The following PKD2 variants were observed in gnomAD, a reference collection of about 807,000 sequenced individuals.
PKD2 encodes polycystin-2.
Under a neutral mutation model 105.9 loss-of-function variants are expected in PKD2, and 48 were observed. The observed-to-expected ratio is 0.45, with a 90% CI of 0.36 to 0.58. The LOEUF (loss-of-function observed/expected upper bound fraction) is 0.58, where lower values mean the gene tolerates loss of function less well. PKD2 is among the 20% of genes least tolerant of loss of function. PKD2 has a pLI of 0.00. For missense variants in PKD2, 1,078 were observed against 1,255.3 expected, an observed-to-expected ratio of 0.86 and a Z score of 2.13; for synonymous variants, 464 against 481.1, an observed-to-expected ratio of 0.96 and a Z score of 0.46.
At chr4:88,056,052 C>T in intron 7 of PKD2, 34 bp from the exon 8 acceptor site, 1 of 1,317,014 alleles carries the variant, frequency 7.6e-7, no homozygotes, top group Non-Finnish European at 1.1e-6. Context: ...TTTTGTTTAT[C>T]CATTCATCTA....
chr4:88,042,094 A>G (rs539800729), intron 4 of PKD2, among the ~76,000 whole-genome samples: 4 of 152,328 alleles, frequency 2.6e-5, no homozygotes, highest in South Asian at 2.1e-4. Flanking sequence ...CTCTTGACCA[A>G]TGGCTCACGG....
intron 6 of PKD2, among the ~76,000 whole-genome samples, chr4:88,047,805 C>T (rs1310256162): frequency 6.6e-6 from 1 of 152,004 alleles, no homozygotes; most frequent in Non-Finnish European, 1.5e-5. Context: ...TGATACCAGC[C>T]TGGGCAACAT....
rs75762896 is a variant in PKD2 at position 88,046,767 on chromosome 4, T to G, written c.1445T>G (p.Phe482Cys). Residue 482 changes from phenylalanine to cysteine, a missense_variant, in exon 6 of 15, where the codon TTC becomes TGC. Coordinates refer to ENST00000237596, the MANE Select transcript of PKD2 (RefSeq NM_000297.4). ...GCAGCCTGTGAGATTATCTTTTGTT[T>G]CTTTATCTTTTACTATGTGGTGGAA... ...FLAACEIIFCFFIFYYVVEEI... is the reference protein window; with the variant it reads ...FLAACEIIFCCFIFYYVVEEI... The G allele has an allele frequency of 2.2e-3, 3,506 of 1,611,890 alleles. 13 individuals carry two copies. The Middle Eastern group carries it at 0.03, about 14-fold the overall frequency.
chr4:88,068,630 G>T (rs1230385716), intron 13 of PKD2, among the ~76,000 whole-genome samples: 1 of 152,148 alleles, frequency 6.6e-6, no homozygotes, highest in African/African-American at 2.4e-5. Flanking sequence ...ATTTGCATGT[G>T]TTTATCAATG....
intron 6 of PKD2, 55 bp from the exon 7 acceptor site, chr4:88,051,936 G>T: frequency 1.0e-6 from 1 of 971,548 alleles, no homozygotes; most frequent in Admixed American, 1.9e-5. Context: ...TCATATTAAG[G>T]TAAGTTTCAT....
chr4:88,017,513 G>T (rs185839785), intron 1 of PKD2, among the ~76,000 whole-genome samples: 1 of 152,112 alleles, frequency 6.6e-6, no homozygotes, highest in African/African-American at 2.4e-5. Flanking sequence ...GGGTTCAACC[G>T]ATTCTTCTGC....
intron 13 of PKD2, among the ~76,000 whole-genome samples, chr4:88,073,002 G>A (rs938885226): frequency 2.8e-5 from 4 of 141,126 alleles, no homozygotes; most frequent in Admixed American, 1.5e-4. Flanking sequence ...ACCATTGCAC[G>A]CCAGCCTGGG....
Position 88,056,137 on chromosome 4 carries a change from A to G in PKD2, c.1768A>G (p.Met590Val), listed in dbSNP as rs745977122. The change falls in exon 8 of 15, where the codon ATG (methionine) becomes GTG (valine). Residue 590 changes from methionine to valine, a missense_variant. By Grantham distance (21) the Met-to-Val change is conservative. Transcript: ENST00000237596. ...GACCATGAGCCAGCTCTCGACAACC[A>G]TGTCTCGATGTGCCAAAGACCTGTT... ...NRTMSQLSTT[M>V]SRCAKDLFGF... The G allele has an allele frequency of 2.5e-6, 4 of 1,613,484 alleles. 1 individual carries two copies. In the South Asian group the frequency reaches 3.3e-5, roughly 13 times the overall value.
intron 4 of PKD2, among the ~76,000 whole-genome samples, chr4:88,041,454 T>C (rs1310327384): frequency 1.3e-5 from 2 of 152,154 alleles, no homozygotes; most frequent in Non-Finnish European, 2.9e-5. Context: ...AGGTTTATTA[T>C]GGTGAAAGGA....
At chr4:88,070,714 C>G (rs1456512696) in intron 13 of PKD2, among the ~76,000 whole-genome samples, 1 of 151,100 alleles carries the variant, frequency 6.6e-6, no homozygotes, top group East Asian at 1.9e-4. Context: ...CTCTCTACAG[C>G]CTGAACACCT....
intron 2 of PKD2, among the ~76,000 whole-genome samples, chr4:88,023,593 G>A (rs551517986): frequency 8.5e-5 from 13 of 152,328 alleles, no homozygotes; most frequent in African/African-American, 3.1e-4. Flanking sequence ...ACAGACCTGA[G>A]TTAAAATCCC....
rs559107350 is a variant in PKD2 at position 88,077,489 on chromosome 4, A to G, written c.*1795A>G. On this transcript the variant is annotated 3_prime_UTR_variant, in exon 15 of 15. Transcript: ENST00000237596. ...TCCATGTGTATCGACCATGTGCCAT[A>G]TATCAATTATGGTCACTAGAAAGTC... 1 of 152,644 alleles carries G rather than the reference A, an allele frequency of 6.6e-6. No homozygotes were observed. The highest frequency in any genetic ancestry group is 1.5e-5 in the Non-Finnish European group (1 of 68,040). The allele number at this position is 152,644 out of a possible 1,614,324, so 9.5% of individuals were successfully genotyped here. A position where few individuals can be genotyped will look rare whatever the true frequency, so the allele number is the denominator to read the frequency against.
intron 12 of PKD2, among the ~76,000 whole-genome samples, chr4:88,066,220 T>G (rs1242005167): frequency 6.6e-6 from 1 of 152,190 alleles, no homozygotes; most frequent in African/African-American, 2.4e-5. Context: ...CTAAGCTTGC[T>G]GGTAATCAGC....
Position 88,070,234 on chromosome 4 carries a change from C to A in PKD2, c.2522+2173C>A, listed in dbSNP as rs137985235. Among the ~76,000 whole-genome samples the A allele has an allele frequency of 3.9e-4, 60 of 152,180 alleles. No individual in the cohort carries two copies. In the East Asian group the frequency reaches 0.011, roughly 29 times the overall value. ...ACTGTGGTCCCCTTGTACATGATGA[C>A]TCAATTTTCTCTCACCACTTTCAAG... On this transcript the variant is annotated intron_variant, in intron 13 of 14. Coordinates refer to ENST00000237596, the MANE Select transcript of PKD2 (RefSeq NM_000297.4).
intron 7 of PKD2, among the ~76,000 whole-genome samples, chr4:88,054,921 T>C (rs762348616): frequency 2.2e-4 from 33 of 152,158 alleles, no homozygotes; most frequent in Non-Finnish European, 4.1e-4. Context: ...CCCAAAGTGC[T>C]GGGATTACAG....
chr4:88,048,882 G>A (rs778620109), intron 6 of PKD2, among the ~76,000 whole-genome samples: 12 of 152,278 alleles, frequency 7.9e-5, no homozygotes, highest in South Asian at 2.1e-4. Flanking sequence ...ATTTCTGTTC[G>A]GATTGATGGC....
chr4:88,036,217 C>T lies in PKD2; in HGVS notation c.710-3C>T. ...CGTTCATTTGGATCTTTCTGTGTTC[C>T]AGTGACCTACGGCATGATGAGCTCC... is the stretch of plus-strand genomic sequence containing the variant. On this transcript the variant is annotated splice_polypyrimidine_tract_variant and splice_region_variant and intron_variant, in intron 2 of 14. Transcript: ENST00000237596. The T allele has an allele frequency of 6.2e-7, 1 of 1,613,754 alleles. No homozygotes were observed. Among genetic ancestry groups the T allele is most frequent in the Non-Finnish European group, 8.5e-7 (1 of 1,179,760 alleles).
At chr4:88,024,117 T>C (rs1726862787) in intron 2 of PKD2, among the ~76,000 whole-genome samples, 1 of 151,826 alleles carries the variant, frequency 6.6e-6, no homozygotes, top group South Asian at 2.1e-4. Context: ...ATTGTGTGAG[T>C]TAGGTGTTGA....
chr4:88,041,930 A>C (rs1048760620), intron 4 of PKD2, among the ~76,000 whole-genome samples: 2 of 152,098 alleles, frequency 1.3e-5, no homozygotes, highest in African/African-American at 4.8e-5. Flanking sequence ...TCCCCACTCC[A>C]GTCTTCCCTG....
Sources: allele counts gnomAD v4.1 joint callset (sites outside exome capture counted in the v4.1 genomes callset), GRCh38; gene constraint gnomAD v4.1.1; transcripts MANE v1.5; gene names NCBI Gene and HGNC (gene_info 2026-07-23, HGNC 2026-07-21).